Variants in NUB1 observed in about 807,000 individuals in gnomAD.
The protein encoded by NUB1 is NEDD8 ultimate buster 1.
In NUB1, 41 loss-of-function variants were observed where a neutral mutation model predicts 77.1. That is an observed-to-expected ratio of 0.53 (90% CI 0.41 to 0.69). The LOEUF is 0.69. Among genes scored for constraint, NUB1 ranks in the 30% least tolerant of loss-of-function variants. The pLI is 0.00. For synonymous variants in NUB1, 257 were observed against 281.0 expected (o/e 0.91, Z 0.85); for missense variants, 643 against 743.8 (o/e 0.86, Z 1.58).
chr7:151,372,314 A>G (rs985776492), intron 11 of NUB1, among the ~76,000 whole-genome samples: 1 of 152,262 alleles, frequency 6.6e-6, no homozygotes, highest in Non-Finnish European at 1.5e-5. Context: ...TCAGAAAATA[A>G]TGTTCTCACA....
intron 1 of NUB1, among the ~76,000 whole-genome samples, chr7:151,342,366 C>T (rs1796254553): frequency 6.6e-6 from 1 of 152,124 alleles, no homozygotes; most frequent in African/African-American, 2.4e-5. Flanking sequence ...TGTGTCTTGA[C>T]TAGATATAGT....
rs940513756 is a variant in NUB1, at chr7:151,353,471, C to T, written c.415+589C>T. 2.6e-5 allele frequency among the ~76,000 whole-genome samples: 4 copies of T among 152,192 alleles called. No homozygotes were observed. The East Asian group carries it at 5.8e-4, about 22-fold the overall frequency. ...GCTGCTGTCATTTAGTGGGTGGAGG[C>T]TAGGGATGCTGCTGAATGTGCAATG... On this transcript the variant is annotated intron_variant, in intron 5 of 14. Transcript: ENST00000568733.
chr7:151,376,100 G>T (rs531629840), intron 13 of NUB1, 157 bp downstream of exon 13: 4 of 617,046 alleles, frequency 6.5e-6, no homozygotes, highest in Admixed American at 2.6e-5. Flanking sequence ...GGCCACCCAC[G>T]CAGTAACAGA....
rs781515966 is a variant in NUB1 at position 151,376,674 on chromosome 7, C to T, written c.1532C>T (p.Ala511Val). Residue 511 changes from alanine to valine, a missense_variant, in exon 14 of 15, where the codon GCG (alanine) becomes GTG (valine). Physicochemically the swap from Ala to Val is moderately conservative, Grantham distance 64. Transcript: ENST00000568733. ...TTTGATGCACTCGTGGCCGAAGCTG[C>T]GCTGAGAGTGTTCAGAGGCAACGTC... ...MGFDALVAEAALRVFRGNVQL... is the reference protein window; with the variant it reads ...MGFDALVAEAVLRVFRGNVQL... The T allele has an allele frequency of 1.2e-5, 19 of 1,611,284 alleles. No individual in the cohort carries two copies. Among genetic ancestry groups the T allele is most frequent in the Middle Eastern group, 1.7e-4 (1 of 6,038 alleles).
At chr7:151,360,108 A>G (rs1797300746) in intron 7 of NUB1, 33 bp from the exon 8 acceptor site, 1 of 1,023,314 alleles carries the variant, frequency 9.8e-7, no homozygotes, top group South Asian at 1.5e-5. Flanking sequence ...TATATTTTAA[A>G]GTGATGTTTT....
chr7:151,360,482 A>G (rs2150688098), intron 8 of NUB1: 8 of 430,762 alleles, frequency 1.9e-5, no homozygotes, highest in Non-Finnish European at 2.9e-5. Flanking sequence ...CTTCTTCTGT[A>G]CATGTGCTAT....
intron 2 of NUB1, among the ~76,000 whole-genome samples, chr7:151,345,911 GT>G (rs1327601492): frequency 6.6e-6 from 1 of 152,082 alleles, no homozygotes; most frequent in Admixed American, 6.6e-5. Flanking sequence ...TCCAAAATAG[GT>G]TTTTTCTAAC....
At chr7:151,354,611 G>A (rs1244379206) in intron 5 of NUB1, among the ~76,000 whole-genome samples, 1 of 151,946 alleles carries the variant, frequency 6.6e-6, no homozygotes, top group Non-Finnish European at 1.5e-5. Context: ...TTTTGTTACT[G>A]TTTTCTTTCA....
intron 1 of NUB1, among the ~76,000 whole-genome samples, chr7:151,343,907 C>T (rs542235287): frequency 2.3e-4 from 35 of 152,060 alleles, no homozygotes; most frequent in African/African-American, 7.5e-4. Context: ...TAGGGCCAGG[C>T]GCGGTGGCTC....
Position 151,352,075 on chromosome 7 carries a change from T to A in NUB1, c.344+593T>A, listed in dbSNP as rs1281860642. 6.6e-6 allele frequency: 3 copies of A among 456,504 alleles called. No individual in the cohort carries two copies. The Admixed American group carries it at 7.1e-5, about 11-fold the overall frequency. The allele number at this position is 456,504 out of a possible 1,614,324, so 28.3% of individuals were successfully genotyped here. A position where few individuals can be genotyped will look rare whatever the true frequency, so the allele number is the denominator to read the frequency against. On this transcript the variant is annotated intron_variant, in intron 4 of 14. Coordinates refer to ENST00000568733, the MANE Select transcript of NUB1 (RefSeq NM_001243351.2). Reference sequence around the variant, plus strand: ...TCTTCAGCTGATTTTTCTCATTTCCTTCTTTGGTCTACATCAGGGCTGTCA... The same window carrying A: ...TCTTCAGCTGATTTTTCTCATTTCCATCTTTGGTCTACATCAGGGCTGTCA...
At position 151,378,289 on chromosome 7, in the gene NUB1, A is replaced by G. The variant is rs1461934289; in HGVS notation, c.*1064A>G. 6.6e-6 allele frequency: 1 copy of G among 152,220 alleles called. No homozygotes were observed. Among genetic ancestry groups the G allele is most frequent in the Non-Finnish European group, 1.5e-5 (1 of 68,050 alleles). 9.4% of individuals were successfully genotyped at this position (152,220 alleles called of 1,614,324 possible). ...TCCAAGACTTTCCCTCCCTTCCAGA[A>G]GGCACTGACTGAAGACAGGATGGAT... On this transcript the variant is annotated 3_prime_UTR_variant, in exon 15 of 15. Coordinates refer to ENST00000568733, the MANE Select transcript of NUB1 (RefSeq NM_001243351.2).
intron 7 of NUB1, 78 bp from the exon 8 acceptor site, chr7:151,360,062 TA>T: frequency 1.6e-6 from 1 of 645,100 alleles, no homozygotes; most frequent in Non-Finnish European, 2.6e-6. Flanking sequence ...CTTTGTTTTT[TA>T]AAAAGTAATA....
intron 1 of NUB1, among the ~76,000 whole-genome samples, chr7:151,343,535 G>A (rs1225062332): frequency 6.6e-6 from 1 of 152,086 alleles, no homozygotes; most frequent in Non-Finnish European, 1.5e-5. Context: ...TCATTCAGGG[G>A]CTAATAACAT....
intron 7 of NUB1, among the ~76,000 whole-genome samples, chr7:151,358,391 G>T (rs546623568): frequency 6.6e-6 from 1 of 152,344 alleles, no homozygotes; most frequent in African/African-American, 2.4e-5. Flanking sequence ...GGCTGCAGAT[G>T]GGTACCAGTC....
At chr7:151,364,299 T>C (rs1015879815) in intron 8 of NUB1, among the ~76,000 whole-genome samples, 4 of 148,376 alleles carry the variant, frequency 2.7e-5, no homozygotes, top group African/African-American at 9.9e-5. Context: ...CAGGCGCCTG[T>C]AGTCCCAGCT....
chr7:151,377,238 A>C lies in NUB1; in HGVS notation c.*13A>C, dbSNP rs1798344220. On this transcript the variant is annotated 3_prime_UTR_variant, in exon 15 of 15. Coordinates refer to ENST00000568733, the MANE Select transcript of NUB1 (RefSeq NM_001243351.2). ...AAAGAAAAACTAAATAATGAACAGA[A>C]ATAGCGCTAATTTTCTGCTTATAAA... is the stretch of plus-strand genomic sequence containing the variant. 6.7e-7 allele frequency: 1 copy of C among 1,492,092 alleles called. No homozygotes were observed. Among genetic ancestry groups the C allele is most frequent in the South Asian group, 1.3e-5 (1 of 77,042 alleles). The allele number at this position is 1,492,092 out of a possible 1,614,324, so 92.4% of individuals were successfully genotyped here.
rs917878122 is a variant in NUB1, at chr7:151,378,409, T to C, written c.*1184T>C. Reference sequence around the variant, plus strand: ...CTTCTTGTCATTCTTTTTAAACGGATGATACCGATGGAAATAAAAGGTGGG... The same window carrying C: ...CTTCTTGTCATTCTTTTTAAACGGACGATACCGATGGAAATAAAAGGTGGG... On this transcript the variant is annotated 3_prime_UTR_variant, in exon 15 of 15. Transcript: ENST00000568733. 6.6e-6 allele frequency: 1 copy of C among 152,224 alleles called. No homozygotes were observed. The highest frequency in any genetic ancestry group is 2.4e-5 in the African/African-American group (1 of 41,442). The allele number at this position is 152,224 out of a possible 1,614,324, so 9.4% of individuals were successfully genotyped here. A position where few individuals can be genotyped will look rare whatever the true frequency, so the allele number is the denominator to read the frequency against.
chr7:151,377,313 A>T lies in NUB1; in HGVS notation c.*88A>T. ...GCAGCTCTTTCTGTTCTTACTTTTT[A>T]TCTGAATTACAAGTCCTCTTTGGGT... On this transcript the variant is annotated 3_prime_UTR_variant, in exon 15 of 15. Transcript: ENST00000568733. 1.0e-6 allele frequency: 1 copy of T among 958,812 alleles called. No individual in the cohort carries two copies. Among genetic ancestry groups the T allele is most frequent in the Non-Finnish European group, 1.5e-6 (1 of 667,628 alleles). The allele number at this position is 958,812 out of a possible 1,614,324, so 59.4% of individuals were successfully genotyped here. A position where few individuals can be genotyped will look rare whatever the true frequency, so the allele number is the denominator to read the frequency against.
rs1248579777 is a variant in NUB1 at position 151,369,030 on chromosome 7, CAG to C, written c.1248+146_1248+147del. The C allele has an allele frequency of 7.3e-6, 7 of 957,544 alleles. No homozygotes were observed. The East Asian group carries it at 1.5e-4, about 20-fold the overall frequency. 59.3% of individuals were successfully genotyped at this position (957,544 alleles called of 1,614,324 possible). ...ACTTGTCCTTTTTTTTTTCTTGAGA[CAG>C]AGTCTCACTTTGTCATCCAGGCTGG... On this transcript the variant is annotated intron_variant, in intron 11 of 14. Coordinates refer to ENST00000568733, the MANE Select transcript of NUB1 (RefSeq NM_001243351.2).
Sources: gnomAD v4.1 joint callset for allele counts (sites outside exome capture counted in the v4.1 genomes callset) on GRCh38, gnomAD v4.1.1 for gene constraint, MANE v1.5 for transcripts, NCBI Gene and HGNC (gene_info 2026-07-23, HGNC 2026-07-21) for gene names.